NKX6-1: variants seen among roughly 807,000 people sequenced by gnomAD.
The protein encoded by NKX6-1 is homeobox protein Nkx-6.1.
NKX6-1 carries 11 observed loss-of-function variants against 24.9 expected under a neutral mutation model. The observed-to-expected ratio is 0.44, with a 90% confidence interval of 0.28 to 0.73. The LOEUF is 0.73. Among genes scored for constraint, NKX6-1 ranks in the 30% least tolerant of loss-of-function variants. The pLI is 0.15. For missense variants in NKX6-1, 487 were observed against 502.9 expected (o/e 0.97, Z 0.30); for synonymous variants, 277 against 242.9 (o/e 1.14, Z -1.31).
At chr4:84,495,196 T>C (rs1161438300) in intron 2 of NKX6-1, among the ~76,000 whole-genome samples, 1 of 152,238 alleles carries the variant, frequency 6.6e-6, no homozygotes, top group Admixed American at 6.5e-5. Flanking sequence ...GTGGATTTAT[T>C]TATTTTTACT....
Position 84,498,295 on chromosome 4 carries a change from A to G in NKX6-1, c.-67T>C. On this transcript the variant is annotated 5_prime_UTR_variant, in exon 1 of 3. Transcript: ENST00000295886. ...CTGGCTGGTGCCCCCCGCGGGGCTC[A>G]GAGGAGCCGGAAGCGCCGAGGGCGC... The G allele has an allele frequency of 1.6e-6, 2 of 1,274,850 alleles. No individual in the cohort carries two copies. The highest frequency in any genetic ancestry group is 2.0e-6 in the Non-Finnish European group (2 of 1,011,020). 79.0% of individuals were successfully genotyped at this position (1,274,850 alleles called of 1,614,324 possible). A position where few individuals can be genotyped will look rare whatever the true frequency, so the allele number is the denominator to read the frequency against.
chr4:84,497,421 G>A lies in NKX6-1; in HGVS notation c.670+138C>T, dbSNP rs1450066403. The A allele has an allele frequency of 1.7e-6, 2 of 1,174,328 alleles. No homozygotes were observed. Among genetic ancestry groups the A allele is most frequent in the Admixed American group, 8.5e-5 (2 of 23,594 alleles). 72.7% of individuals were successfully genotyped at this position (1,174,328 alleles called of 1,614,324 possible). Reference sequence around the variant, plus strand: ...CTGGAAGCCCTGGCCCAACCTAACTGGTGTGATTCCGGCGCTGTCAAACTA... The same window carrying A: ...CTGGAAGCCCTGGCCCAACCTAACTAGTGTGATTCCGGCGCTGTCAAACTA... On this transcript the variant is annotated intron_variant, in intron 1 of 2. Coordinates refer to ENST00000295886, the MANE Select transcript of NKX6-1 (RefSeq NM_006168.3). The surrounding 1 kb of genome is among the most constrained non-coding windows in gnomAD (Gnocchi z 4.8).
Position 84,499,180 on chromosome 4 carries a change from T to C in NKX6-1, c.-952A>G, listed in dbSNP as rs1022037208. 6.6e-6 allele frequency among the ~76,000 whole-genome samples: 1 copy of C among 152,138 alleles called. No individual in the cohort carries two copies. Among genetic ancestry groups the C allele is most frequent in the Non-Finnish European group, 1.5e-5 (1 of 68,028 alleles). On this transcript the variant is annotated 5_prime_UTR_variant, in exon 1 of 3. Transcript: ENST00000295886. Reference sequence around the variant, plus strand: ...CTTCGCGGCTTCCCAGGCTTCGGTCTTCTAAGTCCTGTCCTCTGGCCAAAC... The same window carrying C: ...CTTCGCGGCTTCCCAGGCTTCGGTCCTCTAAGTCCTGTCCTCTGGCCAAAC...
At chr4:84,496,507 C>G (rs1440391238) in intron 1 of NKX6-1, 1 of 152,306 alleles carries the variant, frequency 6.6e-6, no homozygotes, top group African/African-American at 2.4e-5. Context: ...ACTTGGCTTT[C>G]GCAACTTCCC....
In NKX6-1 at chr4:84,497,622, T is replaced by C. The variant is rs1720846144; in HGVS notation, c.607A>G (p.Ile203Val). 14 of 1,280,580 alleles carry C rather than the reference T, an allele frequency of 1.1e-5. No individual in the cohort carries two copies. In the South Asian group the frequency reaches 4.5e-4, roughly 41 times the overall value. The allele number at this position is 1,280,580 out of a possible 1,614,324, so 79.3% of individuals were successfully genotyped here. A position where few individuals can be genotyped will look rare whatever the true frequency, so the allele number is the denominator to read the frequency against. ...CTCTGCATCACTCCGGGCCAGAAGA[T>C]GGGCGTCCGGCCAGGCAGCTCAGCC... Reference protein sequence around the residue: ...PLAELPGRTPIFWPGVMQSPP... With the variant: ...PLAELPGRTPVFWPGVMQSPP... Residue 203 changes from isoleucine (I) to valine (V), a missense_variant, in exon 1 of 3, where the codon ATC (isoleucine) becomes GTC (valine). By Grantham distance (29) the Ile-to-Val change is conservative (BLOSUM62 3). Coordinates refer to ENST00000295886, the MANE Select transcript of NKX6-1 (RefSeq NM_006168.3). The surrounding 1 kb of genome is among the most constrained non-coding windows in gnomAD (Gnocchi z 4.8).
Position 84,497,496 on chromosome 4 carries a change from G to C in NKX6-1, c.670+63C>G, listed in dbSNP as rs1008695519. 8.9e-5 allele frequency: 111 copies of C among 1,249,226 alleles called. No individual in the cohort carries two copies. Among genetic ancestry groups the C allele is most frequent in the South Asian group, 1.2e-4 (3 of 24,594 alleles). The allele number at this position is 1,249,226 out of a possible 1,614,324, so 77.4% of individuals were successfully genotyped here. The stretch of plus-strand genomic sequence containing the variant: ...GAGCGGCATGCACACCAGGGGCCGC[G>C]ACCCGGGAGTGGGCAGAACAGGCAC... On this transcript the variant is annotated intron_variant, in intron 1 of 2. Coordinates refer to ENST00000295886, the MANE Select transcript of NKX6-1 (RefSeq NM_006168.3). The surrounding 1 kb of genome is among the most constrained non-coding windows in gnomAD (Gnocchi z 4.8).
Position 84,495,814 on chromosome 4 carries a change from C to A in NKX6-1, c.701G>T (p.Gly234Val), listed in dbSNP as rs144073689. ...HQGSILLDKD[G>V]KRKHTRPTFS... The stretch of plus-strand genomic sequence containing the variant: ...AGTGGGTCTCGTGTGTTTTCTCTTC[C>A]CGTCTTTGTCCAACAAAATGGATCC... The change falls in exon 2 of 3, where the codon GGG becomes GTG. Residue 234 changes from glycine (G) to valine (V), a missense_variant. By Grantham distance (109) the Gly-to-Val change is moderately radical. Around this residue, in one of 3 missense-constraint regions of NKX6-1, gnomAD observed 45 missense variants for 86.0 expected, o/e 0.52. Coordinates refer to ENST00000295886, the MANE Select transcript of NKX6-1 (RefSeq NM_006168.3). 2 of 1,614,038 alleles carry A rather than the reference C, an allele frequency of 1.2e-6. No individual in the cohort carries two copies. Among genetic ancestry groups the A allele is most frequent in the Non-Finnish European group, 1.7e-6 (2 of 1,180,034 alleles).
intron 2 of NKX6-1, among the ~76,000 whole-genome samples, chr4:84,494,135 AT>A (rs1339741719): frequency 2.6e-4 from 39 of 147,904 alleles, no homozygotes; most frequent in African/African-American, 9.3e-4. Flanking sequence ...TAGATAAAAA[AT>A]ATCCTCCCAG....
chr4:84,495,871 A>AG, intron 1 of NKX6-1, 27 bp from the exon 2 acceptor site: 1 of 1,611,262 alleles, frequency 6.2e-7, no homozygotes, highest in Non-Finnish European at 8.5e-7. Context: ...ACAACGAGAG[A>AG]GGGGGAAAAA....
chr4:84,493,228 G>C lies in NKX6-1; in HGVS notation c.*61C>G, dbSNP rs1389215778. The C allele has an allele frequency of 1.4e-6, 2 of 1,401,484 alleles. No homozygotes were observed. Among genetic ancestry groups the C allele is most frequent in the African/African-American group, 3.0e-5 (2 of 66,382 alleles). The allele number at this position is 1,401,484 out of a possible 1,614,324, so 86.8% of individuals were successfully genotyped here. A position where few individuals can be genotyped will look rare whatever the true frequency, so the allele number is the denominator to read the frequency against. ...CAGGCGCGGCGTGCACGCGGTCCCC[G>C]CGCCCCTCGCGGCCCCAGAGGTGGA... On this transcript the variant is annotated 3_prime_UTR_variant, in exon 3 of 3. Coordinates refer to ENST00000295886, the MANE Select transcript of NKX6-1 (RefSeq NM_006168.3). The surrounding 1 kb of genome is among the most constrained non-coding windows in gnomAD (Gnocchi z 5.1).
rs936465211 is a variant in NKX6-1, at chr4:84,497,802, C to T, written c.427G>A (p.Ala143Thr). The change falls in exon 1 of 3, where the codon GCT becomes ACT. Residue 143 changes from alanine (A) to threonine (T), a missense_variant. Ala to Thr is a moderately conservative substitution (Grantham distance 58). Transcript: ENST00000295886. The surrounding 1 kb of genome is among the most constrained non-coding windows in gnomAD (Gnocchi z 4.8). ...ASSASAAAAA[A>T]AAAAAAASSP... is the part of the protein sequence containing the mutation. Reference sequence around the variant, plus strand: ...GAGGCGGCGGCTGCGGCCGCGGCAGCAGCCGCGGCGGCGGCAGAGGCGGAG... The same window carrying T: ...GAGGCGGCGGCTGCGGCCGCGGCAGTAGCCGCGGCGGCGGCAGAGGCGGAG... 1.4e-5 allele frequency: 18 copies of T among 1,267,386 alleles called. No homozygotes were observed. The highest frequency in any genetic ancestry group is 1.4e-4 in the African/African-American group (9 of 64,414). 78.5% of individuals were successfully genotyped at this position (1,267,386 alleles called of 1,614,324 possible). A position where few individuals can be genotyped will look rare whatever the true frequency, so the allele number is the denominator to read the frequency against.
rs956618003 is a variant in NKX6-1 at position 84,497,269 on chromosome 4, C to G, written c.670+290G>C. On this transcript the variant is annotated intron_variant, in intron 1 of 2. Transcript: ENST00000295886. The surrounding 1 kb of genome is among the most constrained non-coding windows in gnomAD (Gnocchi z 4.8). ...CAGCCAGGGCCTCGGACGAGACACA[C>G]GTCCCTCACCGCGTTGTGGTCCACA... is the stretch of plus-strand genomic sequence containing the variant. Among the ~76,000 whole-genome samples, 2 of 152,116 alleles carry G rather than the reference C, an allele frequency of 1.3e-5. No individual in the cohort carries two copies. The highest frequency in any genetic ancestry group is 2.9e-5 in the Non-Finnish European group (2 of 68,024).
At position 84,493,652 on chromosome 4, in the gene NKX6-1, G is replaced by A; in HGVS notation, c.844-103C>T. ...CCCGCATCTCGATGGCCCTCCCGCG[G>A]CCCCCCGAAGGCCTGCTGCCCTCCC... On this transcript the variant is annotated intron_variant, in intron 2 of 2. Coordinates refer to ENST00000295886, the MANE Select transcript of NKX6-1 (RefSeq NM_006168.3). The surrounding 1 kb of genome is among the most constrained non-coding windows in gnomAD (Gnocchi z 5.1). 1 of 1,421,694 alleles carries A rather than the reference G, an allele frequency of 7.0e-7. No individual in the cohort carries two copies. The highest frequency in any genetic ancestry group is 2.3e-5 in the East Asian group (1 of 43,288). 88.1% of individuals were successfully genotyped at this position (1,421,694 alleles called of 1,614,324 possible). A position where few individuals can be genotyped will look rare whatever the true frequency, so the allele number is the denominator to read the frequency against.
Position 84,493,213 on chromosome 4 carries a change from G to A in NKX6-1, c.*76C>T, listed in dbSNP as rs1720757637. ...GCCCCGAGGAGCGGGCAGGCGCGGC[G>A]TGCACGCGGTCCCCGCGCCCCTCGC... On this transcript the variant is annotated 3_prime_UTR_variant, in exon 3 of 3. Transcript: ENST00000295886. The surrounding 1 kb of genome is among the most constrained non-coding windows in gnomAD (Gnocchi z 5.1). 3 of 1,328,036 alleles carry A rather than the reference G, an allele frequency of 2.3e-6. No homozygotes were observed. Among genetic ancestry groups the A allele is most frequent in the Admixed American group, 3.8e-5 (1 of 26,206 alleles). The allele number at this position is 1,328,036 out of a possible 1,614,324, so 82.3% of individuals were successfully genotyped here. A position where few individuals can be genotyped will look rare whatever the true frequency, so the allele number is the denominator to read the frequency against.
At position 84,498,352 on chromosome 4, in the gene NKX6-1, G is replaced by A. The variant is rs572408046; in HGVS notation, c.-124C>T. 1.6e-5 allele frequency: 18 copies of A among 1,124,946 alleles called. No homozygotes were observed. In the East Asian group the frequency reaches 2.6e-4, roughly 16 times the overall value. The allele number at this position is 1,124,946 out of a possible 1,614,324, so 69.7% of individuals were successfully genotyped here. A position where few individuals can be genotyped will look rare whatever the true frequency, so the allele number is the denominator to read the frequency against. On this transcript the variant is annotated 5_prime_UTR_variant, in exon 1 of 3. Coordinates refer to ENST00000295886, the MANE Select transcript of NKX6-1 (RefSeq NM_006168.3). Reference sequence around the variant, plus strand: ...AGAGGCACTCGGCGCGCCCGGAGGCGAGCTGCCAACTGAACCAAAAATGCC... The same window carrying A: ...AGAGGCACTCGGCGCGCCCGGAGGCAAGCTGCCAACTGAACCAAAAATGCC...
At chr4:84,495,636 G>A (rs371625836) in intron 2 of NKX6-1, 36 bp downstream of exon 2, 14 of 1,589,300 alleles carry the variant, frequency 8.8e-6, no homozygotes, top group African/African-American at 8.1e-5. Flanking sequence ...CGACAGGGGC[G>A]GTACCTATCC....
rs553260284 is a variant in NKX6-1, at chr4:84,493,635, T to C, written c.844-86A>G. 56 of 1,506,624 alleles carry C rather than the reference T, an allele frequency of 3.7e-5. No individual in the cohort carries two copies. The highest frequency in any genetic ancestry group is 1.3e-4 in the Admixed American group (7 of 54,322). 93.3% of individuals were successfully genotyped at this position (1,506,624 alleles called of 1,614,324 possible). A position where few individuals can be genotyped will look rare whatever the true frequency, so the allele number is the denominator to read the frequency against. On this transcript the variant is annotated intron_variant, in intron 2 of 2. Transcript: ENST00000295886. The surrounding 1 kb of genome is among the most constrained non-coding windows in gnomAD (Gnocchi z 5.1). ...CAGGCCATGCTACCACTCCCGCATC[T>C]CGATGGCCCTCCCGCGGCCCCCCGA... is the stretch of plus-strand genomic sequence containing the variant.
At chr4:84,495,148 T>TA (rs1720792720) in intron 2 of NKX6-1, among the ~76,000 whole-genome samples, 1 of 152,230 alleles carries the variant, frequency 6.6e-6, no homozygotes, top group Non-Finnish European at 1.5e-5. Context: ...TAAGCTAAGC[T>TA]AAAAAACAGG....
rs1053582529 is a variant in NKX6-1 at position 84,497,608 on chromosome 4, T to C, written c.621A>G (p.Gly207=). The C allele has an allele frequency of 3.1e-6, 4 of 1,278,628 alleles. No individual in the cohort carries two copies. In the African/African-American group the frequency reaches 4.6e-5, roughly 15 times the overall value. 79.2% of individuals were successfully genotyped at this position (1,278,628 alleles called of 1,614,324 possible). A position where few individuals can be genotyped will look rare whatever the true frequency, so the allele number is the denominator to read the frequency against. The change falls in exon 1 of 3, where the codon GGA becomes GGG. Residue 207 remains glycine, a synonymous_variant. Coordinates refer to ENST00000295886, the MANE Select transcript of NKX6-1 (RefSeq NM_006168.3). This position sits in a 1 kb window ranked among gnomAD's most constrained non-coding sequence, Gnocchi z 4.8. The part of the protein sequence containing the change: ...LPGRTPIFWP[G]VMQSPPWRDA... ...CCCTCCAGGGCGGGCTCTGCATCAC[T>C]CCGGGCCAGAAGATGGGCGTCCGGC...
Sources: gnomAD v4.1 joint callset for allele counts (sites outside exome capture counted in the v4.1 genomes callset) on GRCh38, gnomAD v4.1.1 for gene constraint, gnomAD v4.1.1 regional missense constraint, Gnocchi (gnomAD v3.1) non-coding constraint, MANE v1.5 for transcripts, NCBI Gene and HGNC (gene_info 2026-07-23, HGNC 2026-07-21) for gene names.